NFIA: variants seen among roughly 807,000 people sequenced by gnomAD.
The protein encoded by NFIA is nuclear factor I A, also known as nuclear factor 1 A-type.
In NFIA, 8 loss-of-function variants were observed where a neutral mutation model predicts 62.8. That is an observed-to-expected ratio of 0.13 (90% CI 0.07 to 0.23). NFIA has a LOEUF of 0.23. Among genes scored for constraint, NFIA ranks in the 10% least tolerant of loss-of-function variants. The probability of loss-of-function intolerance (pLI) is 1.00; values close to 1 mark genes in which losing one functional copy is unlikely to be tolerated. For missense variants in NFIA, 410 were observed against 642.1 expected (o/e 0.64, Z 3.91); for synonymous variants, 235 against 238.1 (o/e 0.99, Z 0.12).
chr1:61,430,920 C>T (rs940643576), intron 10 of NFIA, among the ~76,000 whole-genome samples: 4 of 152,124 alleles, frequency 2.6e-5, no homozygotes, highest in African/African-American at 7.2e-5. Flanking sequence ...AGGTGGCCAC[C>T]TCCCTACAGC....
At chr1:61,320,135 T>C (rs991841551) in intron 3 of NFIA, among the ~76,000 whole-genome samples, 2 of 151,586 alleles carry the variant, frequency 1.3e-5, no homozygotes, top group African/African-American at 4.9e-5. Flanking sequence ...ACAAGAAAAA[T>C]CCAGCCTAGA....
chr1:61,336,960 T>G (rs2100402298), intron 4 of NFIA, among the ~76,000 whole-genome samples: 1 of 152,388 alleles, frequency 6.6e-6, no homozygotes, highest in South Asian at 2.1e-4. Context: ...ATACAAATAT[T>G]TACTTACACT....
At chr1:61,151,898 C>A (rs1648446625) in intron 2 of NFIA, among the ~76,000 whole-genome samples, 1 of 152,138 alleles carries the variant, frequency 6.6e-6, no homozygotes, top group Non-Finnish European at 1.5e-5. Flanking sequence ...TTCCATTATT[C>A]TTTCTGCAAT....
rs397740175 is a variant in NFIA at position 61,455,526 on chromosome 1, T to TTA, written c.*206_*207insTA. The stretch of plus-strand genomic sequence containing the variant: ...TAACCTTTTGGGATTTTTTTTTTTT[T>TTA]AAAATACTTTAGGGACTGTTGTAAT... On this transcript the variant is annotated 3_prime_UTR_variant, in exon 11 of 11. Transcript: ENST00000403491. 40 of 694,880 alleles carry TTA rather than the reference T, an allele frequency of 5.8e-5. No individual in the cohort carries two copies. The East Asian group carries it at 5.9e-4, about 10-fold the overall frequency. The allele number at this position is 694,880 out of a possible 1,614,324, so 43.0% of individuals were successfully genotyped here. A position where few individuals can be genotyped will look rare whatever the true frequency, so the allele number is the denominator to read the frequency against.
intron 4 of NFIA, among the ~76,000 whole-genome samples, chr1:61,341,154 T>C (rs547643995): frequency 2.7e-5 from 4 of 148,176 alleles, no homozygotes; most frequent in Middle Eastern, 3.5e-3. Context: ...AGCTCCACCT[T>C]CCGGGTTCAC....
chr1:61,394,446 TAC>T (rs1665165653), intron 7 of NFIA, among the ~76,000 whole-genome samples: 1 of 152,208 alleles, frequency 6.6e-6, no homozygotes, highest in African/African-American at 2.4e-5. Context: ...GTGCTGGGAT[TAC>T]AGGCGTGAGC....
At chr1:61,374,862 G>A (rs936804128) in intron 6 of NFIA, among the ~76,000 whole-genome samples, 1 of 152,110 alleles carries the variant, frequency 6.6e-6, no homozygotes, top group East Asian at 1.9e-4. Context: ...TTTATTGACT[G>A]AAAAAGGCTA....
intron 6 of NFIA, among the ~76,000 whole-genome samples, chr1:61,360,966 G>A (rs1221002239): frequency 6.7e-6 from 1 of 150,094 alleles, no homozygotes; most frequent in Non-Finnish European, 1.5e-5. Flanking sequence ...GACTTTCTCT[G>A]TATGAAGCAC....
intron 2 of NFIA, among the ~76,000 whole-genome samples, chr1:61,233,869 C>T (rs957566221): frequency 6.6e-6 from 1 of 152,146 alleles, no homozygotes; most frequent in African/African-American, 2.4e-5. Context: ...TCAGTGTATC[C>T]ACAAAGCTAC....
At chr1:61,297,831 G>A (rs1020000213) in intron 3 of NFIA, among the ~76,000 whole-genome samples, 5 of 152,118 alleles carry the variant, frequency 3.3e-5, no homozygotes, top group African/African-American at 9.7e-5. Flanking sequence ...GACAGGAAGC[G>A]GAAAGTTAGA....
intron 2 of NFIA, among the ~76,000 whole-genome samples, chr1:61,129,481 ACT>A (rs1647036288): frequency 7.7e-6 from 1 of 130,646 alleles, no homozygotes; most frequent in Non-Finnish European, 1.6e-5. Context: ...ATGGAGTCTC[ACT>A]CTGTCGCCCT....
chr1:61,124,222 CT>C (rs1295156998), intron 2 of NFIA, among the ~76,000 whole-genome samples: 1 of 152,186 alleles, frequency 6.6e-6, no homozygotes, highest in East Asian at 1.9e-4. Flanking sequence ...CTTCCTTTGA[CT>C]CAAGTCAATT....
At chr1:61,302,903 T>G (rs1423645695) in intron 3 of NFIA, among the ~76,000 whole-genome samples, 2 of 152,166 alleles carry the variant, frequency 1.3e-5, no homozygotes, top group East Asian at 3.8e-4. Flanking sequence ...AAAATTACTC[T>G]TTTTTTCACC....
chr1:61,083,212 C>A (rs1183927477), intron 1 of NFIA, among the ~76,000 whole-genome samples: 3 of 152,042 alleles, frequency 2.0e-5, no homozygotes, highest in African/African-American at 7.2e-5. Flanking sequence ...AGCGTTTCTG[C>A]TGCCGGGAGC....
intron 2 of NFIA, among the ~76,000 whole-genome samples, chr1:61,219,327 A>C (rs1317428472): frequency 6.6e-6 from 1 of 152,164 alleles, no homozygotes; most frequent in Non-Finnish European, 1.5e-5. Flanking sequence ...AACTATTTTT[A>C]AACATTTATT....
At chr1:61,147,085 A>G (rs940173831) in intron 2 of NFIA, among the ~76,000 whole-genome samples, 2 of 152,126 alleles carry the variant, frequency 1.3e-5, no homozygotes, top group African/African-American at 2.4e-5. Context: ...CTGTTAATCT[A>G]CCATAAACCA....
intron 6 of NFIA, among the ~76,000 whole-genome samples, chr1:61,381,785 ACT>A (rs762686866): frequency 7.8e-4 from 118 of 152,206 alleles, no homozygotes; most frequent in Non-Finnish European, 1.4e-3. Context: ...GCAGACAAGG[ACT>A]CTGTCCTTAT....
chr1:61,119,457 A>G (rs773616456), intron 2 of NFIA, among the ~76,000 whole-genome samples: 28 of 152,230 alleles, frequency 1.8e-4, no homozygotes, highest in Non-Finnish European at 3.5e-4. Flanking sequence ...TCTTTAATTA[A>G]GAGAAACTGT....
chr1:61,258,003 T>A (rs1022953440), intron 2 of NFIA, among the ~76,000 whole-genome samples: 1 of 151,700 alleles, frequency 6.6e-6, no homozygotes, highest in African/African-American at 2.4e-5. Flanking sequence ...GGACCCTTAA[T>A]CTTTATTATT....
Sources: gnomAD v4.1 joint callset for allele counts (sites outside exome capture counted in the v4.1 genomes callset) on GRCh38, gnomAD v4.1.1 for gene constraint, MANE v1.5 for transcripts, NCBI Gene and HGNC (gene_info 2026-07-23, HGNC 2026-07-21) for gene names.